Variants in DRD2 observed in about 807,000 individuals in gnomAD.
The protein encoded by DRD2 is D(2) dopamine receptor.
DRD2 carries 8 observed loss-of-function variants against 38.0 expected under a neutral mutation model. That is an observed-to-expected ratio of 0.21 (90% CI 0.12 to 0.38). The LOEUF (loss-of-function observed/expected upper bound fraction) is 0.38. DRD2 is among the 10% of genes least tolerant of loss of function. DRD2 has a pLI of 1.00. For synonymous variants in DRD2, 230 were observed against 238.6 expected, an observed-to-expected ratio of 0.96 and a Z score of 0.33; for missense variants, 403 against 607.7, an observed-to-expected ratio of 0.66 and a Z score of 3.54.
In DRD2 at chr11:113,425,409, C is replaced by A. The variant is rs369953156; in HGVS notation, c.-31-727G>T. Reference sequence around the variant, plus strand: ...GAGGTAGACAGCAGGTGGAGGGCCTCAAAGAGATTCTGGATAGCTGATGCA... The same window carrying A: ...GAGGTAGACAGCAGGTGGAGGGCCTAAAAGAGATTCTGGATAGCTGATGCA... On this transcript the variant is annotated intron_variant, in intron 1 of 7. Transcript: ENST00000362072. 8.5e-5 allele frequency among the ~76,000 whole-genome samples: 13 copies of A among 152,182 alleles called. No individual in the cohort carries two copies. In the South Asian group the frequency reaches 1.0e-3, roughly 12 times the overall value.
At chr11:113,462,300 C>T (rs1048806896) in intron 1 of DRD2, among the ~76,000 whole-genome samples, 4 of 152,186 alleles carry the variant, frequency 2.6e-5, no homozygotes, top group Admixed American at 2.0e-4. Flanking sequence ...AAGCCCCCAA[C>T]ATCCACCAAT....
At chr11:113,416,747 G>C (rs963965816) in intron 4 of DRD2, 116 bp downstream of exon 4, 54 of 1,446,388 alleles carry the variant, frequency 3.7e-5, no homozygotes, top group Non-Finnish European at 5.0e-5. Flanking sequence ...GGTAGTGATA[G>C]GCCTCCATTG....
intron 5 of DRD2, 102 bp from the exon 6 acceptor site, chr11:113,414,563 G>T: frequency 7.9e-7 from 1 of 1,261,068 alleles, no homozygotes; most frequent in Non-Finnish European, 1.2e-6. Context: ...TGGGCAGAAG[G>T]GCTCAGAGAT....
intron 1 of DRD2, among the ~76,000 whole-genome samples, chr11:113,452,610 TC>T (rs1436842932): frequency 6.6e-6 from 1 of 150,818 alleles, no homozygotes; most frequent in Non-Finnish European, 1.5e-5. Context: ...CCACTGGATA[TC>T]CCAGTAGTAT....
At chr11:113,439,047 C>T (rs985596101) in intron 1 of DRD2, among the ~76,000 whole-genome samples, 1 of 152,156 alleles carries the variant, frequency 6.6e-6, no homozygotes, top group Admixed American at 6.5e-5. Flanking sequence ...AAGTGTCTTG[C>T]AAACTCTAAA....
chr11:113,472,073 G>A (rs908272401), intron 1 of DRD2, among the ~76,000 whole-genome samples: 1 of 152,218 alleles, frequency 6.6e-6, no homozygotes, highest in African/African-American at 2.4e-5. Context: ...GCCACAAAGC[G>A]GGGAGAAGTG....
At chr11:113,445,273 C>A (rs1025186005) in intron 1 of DRD2, among the ~76,000 whole-genome samples, 8 of 152,180 alleles carry the variant, frequency 5.3e-5, no homozygotes, top group Admixed American at 5.2e-4. Flanking sequence ...CAAATAAAAT[C>A]TGTCATTTAG....
Position 113,439,838 on chromosome 11 carries a change from CAAAAAAAAAAAAA to C in DRD2, c.-31-15169_-31-15157del, listed in dbSNP as rs67577307. The stretch of plus-strand genomic sequence containing the variant: ...TGGGTGACAGAGGGAGGCTCTGTCT[CAAAAAAAAAAAAA>C]AAAAAAAAAAAAAAAAAAAAAAAGC... On this transcript the variant is annotated intron_variant, in intron 1 of 7. Coordinates refer to ENST00000362072, the MANE Select transcript of DRD2 (RefSeq NM_000795.4). Among the ~76,000 whole-genome samples the C allele has an allele frequency of 1.1e-3, 18 of 16,252 alleles. No individual in the cohort carries two copies. In the East Asian group the frequency reaches 0.042, roughly 38 times the overall value. 10.7% of individuals were successfully genotyped at this position (16,252 alleles called of 152,430 possible). A position where few individuals can be genotyped will look rare whatever the true frequency, so the allele number is the denominator to read the frequency against.
At chr11:113,466,455 T>A (rs551248932) in intron 1 of DRD2, among the ~76,000 whole-genome samples, 48 of 152,266 alleles carry the variant, frequency 3.2e-4, no homozygotes, top group African/African-American at 1.1e-3. Context: ...CATGAGTGTG[T>A]CTGATTGAAG....
chr11:113,419,842 A>G (rs1310706503), intron 2 of DRD2, among the ~76,000 whole-genome samples: 1 of 152,202 alleles, frequency 6.6e-6, no homozygotes, highest in African/African-American at 2.4e-5. Context: ...AGCTGCTGTC[A>G]TCCTGTGTGG....
chr11:113,471,922 T>A (rs1278687794), intron 1 of DRD2, among the ~76,000 whole-genome samples: 1 of 152,216 alleles, frequency 6.6e-6, no homozygotes, highest in Non-Finnish European at 1.5e-5. Flanking sequence ...CTTAGGTAAC[T>A]GTAGCCTGCT....
At chr11:113,446,620 C>G (rs1017421726) in intron 1 of DRD2, among the ~76,000 whole-genome samples, 2 of 152,208 alleles carry the variant, frequency 1.3e-5, no homozygotes, top group African/African-American at 4.8e-5. Context: ...GAGGCACCCC[C>G]TACTAACATT....
intron 1 of DRD2, among the ~76,000 whole-genome samples, chr11:113,436,911 C>T (rs114749741): frequency 0.036 from 5,550 of 152,258 alleles, 122 homozygotes; most frequent in South Asian, 0.064. Flanking sequence ...GACTCTCCCT[C>T]TGTTTTGATC....
rs1333885896 is a variant in DRD2 at position 113,410,039 on chromosome 11, A to AC, written c.*687dup. On this transcript the variant is annotated 3_prime_UTR_variant, in exon 8 of 8. Transcript: ENST00000362072. Reference sequence around the variant, plus strand: ...GGCCAAGGAGTTCCTCTCCCCATAGACCCTCCTGGGCCCTTCAAGATGAGG... The same window carrying AC: ...GGCCAAGGAGTTCCTCTCCCCATAGACCCCTCCTGGGCCCTTCAAGATGAGG... The AC allele has an allele frequency of 1.3e-5, 2 of 154,850 alleles. No individual in the cohort carries two copies. Among genetic ancestry groups the AC allele is most frequent in the Admixed American group, 6.3e-5 (1 of 15,878 alleles). 9.6% of individuals were successfully genotyped at this position (154,850 alleles called of 1,614,324 possible). A position where few individuals can be genotyped will look rare whatever the true frequency, so the allele number is the denominator to read the frequency against.
At chr11:113,441,702 A>C (rs1019188037) in intron 1 of DRD2, among the ~76,000 whole-genome samples, 1 of 152,176 alleles carries the variant, frequency 6.6e-6, no homozygotes. Context: ...TGGAAAAAGA[A>C]GCTACACCTT....
At chr11:113,448,960 C>T (rs1043687738) in intron 1 of DRD2, among the ~76,000 whole-genome samples, 1 of 152,170 alleles carries the variant, frequency 6.6e-6, no homozygotes, top group Non-Finnish European at 1.5e-5. Context: ...GTCCACCTCC[C>T]AAAGCCATGG....
At chr11:113,430,060 T>C (rs1448896821) in intron 1 of DRD2, among the ~76,000 whole-genome samples, 6 of 152,070 alleles carry the variant, frequency 3.9e-5, no homozygotes, top group Non-Finnish European at 8.8e-5. Flanking sequence ...CTCACTAGGG[T>C]CTGAGGTCCT....
At chr11:113,420,742 A>T (rs891744757) in intron 2 of DRD2, among the ~76,000 whole-genome samples, 2 of 152,222 alleles carry the variant, frequency 1.3e-5, no homozygotes, top group African/African-American at 4.8e-5. Flanking sequence ...TAAGCATGAA[A>T]TGTGAAAAGG....
chr11:113,446,167 C>G (rs1055712883), intron 1 of DRD2, among the ~76,000 whole-genome samples: 1 of 152,156 alleles, frequency 6.6e-6, no homozygotes, highest in African/African-American at 2.4e-5. Flanking sequence ...GCTCCCCCTT[C>G]CCACTCGCCC....
Sources: allele counts gnomAD v4.1 joint callset (sites outside exome capture counted in the v4.1 genomes callset), GRCh38; gene constraint gnomAD v4.1.1; transcripts MANE v1.5; gene names NCBI Gene and HGNC (gene_info 2026-07-23, HGNC 2026-07-21).